The following NCAM2 variants were observed in gnomAD, a reference collection of about 807,000 sequenced individuals.
NCAM2 encodes N-CAM-2.
In NCAM2, 30 loss-of-function variants were observed where a neutral mutation model predicts 98.1. The observed-to-expected ratio is 0.31, with a 90% confidence interval of 0.23 to 0.41. The LOEUF (loss-of-function observed/expected upper bound fraction) is 0.41. NCAM2 is among the 10% of genes least tolerant of loss of function. The pLI is 1.00. For synonymous variants in NCAM2, 368 were observed against 342.4 expected (o/e 1.07, Z -0.83); for missense variants, 867 against 1,005.8 (o/e 0.86, Z 1.87).
chr21:21,038,739 G>A (rs1406776995), intron 1 of NCAM2, among the ~76,000 whole-genome samples: 2 of 152,082 alleles, frequency 1.3e-5, no homozygotes, highest in Non-Finnish European at 2.9e-5. Flanking sequence ...AGCAGTGTGA[G>A]AACAGACCAA....
At chr21:21,046,596 T>C (rs940162170) in intron 1 of NCAM2, among the ~76,000 whole-genome samples, 1 of 152,194 alleles carries the variant, frequency 6.6e-6, no homozygotes, top group African/African-American at 2.4e-5. Context: ...TACAGTTTTT[T>C]CTTTCTATTT....
chr21:21,177,347 T>C (rs2068327499), intron 1 of NCAM2, among the ~76,000 whole-genome samples: 1 of 89,752 alleles, frequency 1.1e-5, no homozygotes, highest in African/African-American at 4.4e-5. Context: ...TATCTCTGAC[T>C]CAAAATCCAT....
chr21:21,527,991 C>A (rs1481364292), intron 16 of NCAM2, among the ~76,000 whole-genome samples: 1 of 152,158 alleles, frequency 6.6e-6, no homozygotes, highest in East Asian at 1.9e-4. Flanking sequence ...TAGATCCCAG[C>A]AATGGGCTGT....
At chr21:21,291,395 G>A (rs893196052) in intron 4 of NCAM2, among the ~76,000 whole-genome samples, 1 of 151,798 alleles carries the variant, frequency 6.6e-6, no homozygotes, top group Non-Finnish European at 1.5e-5. Flanking sequence ...TGCTGCTTAG[G>A]TGTCACAGAT....
At position 21,284,186 on chromosome 21, in the gene NCAM2, C is replaced by A. The variant is rs759773596; in HGVS notation, c.131-8C>A. 1.2e-6 allele frequency: 2 copies of A among 1,603,176 alleles called. No individual in the cohort carries two copies. Among genetic ancestry groups the A allele is most frequent in the African/African-American group, 2.7e-5 (2 of 74,628 alleles). On this transcript the variant is annotated splice_polypyrimidine_tract_variant and splice_region_variant and intron_variant, in intron 2 of 17. Coordinates refer to ENST00000400546, the MANE Select transcript of NCAM2 (RefSeq NM_004540.5). ...TTTCAAACCTTTATTTTCCATGGCT[C>A]TTTGCAGCGATTGGTGAACCTGAAA...
At chr21:21,508,786 T>C (rs1207385700) in intron 15 of NCAM2, 65 bp from the exon 16 acceptor site, 7 of 1,133,858 alleles carry the variant, frequency 6.2e-6, no homozygotes, top group Non-Finnish European at 7.2e-6. Flanking sequence ...TTTTCTAATT[T>C]AGAGGTTTAA....
chr21:21,396,196 G>A (rs2076502860), intron 9 of NCAM2, among the ~76,000 whole-genome samples: 1 of 151,628 alleles, frequency 6.6e-6, no homozygotes, highest in Non-Finnish European at 1.5e-5. Flanking sequence ...AGTGGGCTAA[G>A]GACATGAACA....
Position 21,280,655 on chromosome 21 carries a change from A to G in NCAM2, c.130+3A>G, listed in dbSNP as rs1016427826. The G allele has an allele frequency of 2.0e-6, 3 of 1,536,858 alleles. No homozygotes were observed. Among genetic ancestry groups the G allele is most frequent in the Non-Finnish European group, 1.8e-6 (2 of 1,135,160 alleles). ...ATCTAAATTCTTCACATGTACAGGT[A>G]CGTATTTCTGTAAATACCTTCAGAT... On this transcript the variant is annotated splice_donor_region_variant and intron_variant, in intron 2 of 17. Transcript: ENST00000400546.
chr21:21,076,381 CT>C (rs1264739588), intron 1 of NCAM2, among the ~76,000 whole-genome samples: 2 of 152,068 alleles, frequency 1.3e-5, no homozygotes, highest in Admixed American at 1.3e-4. Flanking sequence ...TTATTTTGGG[CT>C]TATACTTGCA....
chr21:21,207,302 C>T (rs907127218), intron 1 of NCAM2, among the ~76,000 whole-genome samples: 6 of 152,066 alleles, frequency 3.9e-5, no homozygotes, highest in African/African-American at 1.4e-4. Flanking sequence ...TAATTTTTGG[C>T]ACTCAGGAAG....
At chr21:21,020,320 G>A (rs2064405987) in intron 1 of NCAM2, among the ~76,000 whole-genome samples, 1 of 152,198 alleles carries the variant, frequency 6.6e-6, no homozygotes, top group African/African-American at 2.4e-5. Context: ...ACAGGCGTGA[G>A]CCACTGCACC....
At position 21,254,891 on chromosome 21, in the gene NCAM2, T is replaced by A. The variant is rs1395538335; in HGVS notation, c.56-25687T>A. On this transcript the variant is annotated intron_variant, in intron 1 of 17. Transcript: ENST00000400546. ...TTTCTAACAATATGTACCCACTGGA[T>A]AATAGTTTGTGTGTGTGTGTGTGTG... Among the ~76,000 whole-genome samples the A allele has an allele frequency of 4.2e-5, 5 of 118,532 alleles. No individual in the cohort carries two copies. In the East Asian group the frequency reaches 1.6e-3, roughly 37 times the overall value. The allele number at this position is 118,532 out of a possible 152,430, so 77.8% of individuals were successfully genotyped here. A position where few individuals can be genotyped will look rare whatever the true frequency, so the allele number is the denominator to read the frequency against.
chr21:21,516,051 A>G (rs1180346892), intron 16 of NCAM2, among the ~76,000 whole-genome samples: 1 of 152,186 alleles, frequency 6.6e-6, no homozygotes, highest in Admixed American at 6.5e-5. Context: ...AGCATACCGT[A>G]TGTCCATGTA....
chr21:21,219,761 C>T (rs2070061467), intron 1 of NCAM2, among the ~76,000 whole-genome samples: 1 of 152,160 alleles, frequency 6.6e-6, no homozygotes, highest in Non-Finnish European at 1.5e-5. Context: ...GGAGGTATTT[C>T]AGATGGCAGT....
intron 4 of NCAM2, among the ~76,000 whole-genome samples, chr21:21,290,809 T>C (rs1285991600): frequency 6.6e-6 from 1 of 151,830 alleles, no homozygotes; most frequent in East Asian, 1.9e-4. Context: ...TCCCCTCTCA[T>C]TAAGGAACGG....
intron 9 of NCAM2, among the ~76,000 whole-genome samples, chr21:21,378,505 C>T (rs879901457): frequency 2.0e-5 from 3 of 151,958 alleles, no homozygotes; most frequent in East Asian, 3.9e-4. Flanking sequence ...ATAATTTGCC[C>T]ATTTTAAAAT....
rs577601713 is a variant in NCAM2 at position 21,463,001 on chromosome 21, C to G, written c.1655-3605C>G. Among the ~76,000 whole-genome samples, 13 of 152,176 alleles carry G rather than the reference C, an allele frequency of 8.5e-5. No individual in the cohort carries two copies. In the South Asian group the frequency reaches 2.7e-3, roughly 32 times the overall value. On this transcript the variant is annotated intron_variant, in intron 12 of 17. Coordinates refer to ENST00000400546, the MANE Select transcript of NCAM2 (RefSeq NM_004540.5). Reference sequence around the variant, plus strand: ...TAAATTACAAGGCAAGAACCCATCCCACACTTCAGTTTAAGGTTCTGTTGT... The same window carrying G: ...TAAATTACAAGGCAAGAACCCATCCGACACTTCAGTTTAAGGTTCTGTTGT...
chr21:21,354,227 C>T (rs909202982), intron 8 of NCAM2, among the ~76,000 whole-genome samples: 1 of 152,060 alleles, frequency 6.6e-6, no homozygotes, highest in South Asian at 2.1e-4. Flanking sequence ...TAGTATAGAC[C>T]TACATCCACT....
intron 1 of NCAM2, among the ~76,000 whole-genome samples, chr21:21,242,084 A>G (rs1255192599): frequency 6.6e-6 from 1 of 152,190 alleles, no homozygotes; most frequent in Non-Finnish European, 1.5e-5. Context: ...CTGGAATTAC[A>G]TTAAGTGGTG....
Sources: allele counts gnomAD v4.1 joint callset (sites outside exome capture counted in the v4.1 genomes callset), GRCh38; gene constraint gnomAD v4.1.1; transcripts MANE v1.5; gene names NCBI Gene and HGNC (gene_info 2026-07-23, HGNC 2026-07-21).